Variants in NLRP9 observed in about 807,000 individuals in gnomAD.
The protein encoded by NLRP9 is NLR family pyrin domain containing 9, also known as NACHT, LRR and PYD domains-containing protein 9.
NLRP9 carries 88 observed loss-of-function variants against 83.1 expected under a neutral mutation model. That is an observed-to-expected ratio of 1.06 (90% CI 0.89 to 1.26). The LOEUF (loss-of-function observed/expected upper bound fraction) is 1.26. NLRP9 is among the 50% of genes most tolerant of loss of function. The pLI, the probability that NLRP9 is intolerant of heterozygous loss-of-function variation, is 0.00. For missense variants in NLRP9, 1,308 were observed against 1,179.3 expected (o/e 1.11, Z -1.60); for synonymous variants, 521 against 447.6 (o/e 1.16, Z -2.07).
intron 5 of NLRP9, 103 bp from the exon 6 acceptor site, chr19:55,715,328 T>G: frequency 1.0e-6 from 1 of 981,172 alleles, no homozygotes; most frequent in Non-Finnish European, 1.5e-6. Flanking sequence ...ATGGTAATAT[T>G]ACCATATTTT....
rs1470440927 is a variant in NLRP9 at position 55,734,483 on chromosome 19, G to A, written c.281-933C>T. Among the ~76,000 whole-genome samples the A allele has an allele frequency of 2.0e-5, 3 of 147,798 alleles. No homozygotes were observed. In the Admixed American group the frequency reaches 2.1e-4, roughly 10 times the overall value. On this transcript the variant is annotated intron_variant, in intron 1 of 8. Coordinates refer to ENST00000332836, the MANE Select transcript of NLRP9 (RefSeq NM_176820.4). ...ATTTTCTTTAATTAAACTGATGATAGCAGGTCACCTGTCAGCAAAGTACAC... is the reference window on the plus strand; with the variant it reads ...ATTTTCTTTAATTAAACTGATGATAACAGGTCACCTGTCAGCAAAGTACAC...
In NLRP9 at chr19:55,721,927, C is replaced by T. The variant is rs139434362; in HGVS notation, c.2159+2053G>A. ...TCCCAAGCCACATCGAACTGCAAGTCCAATAAACCTCTTTCTTTTGTAAAT... is the reference window on the plus strand; with the variant it reads ...TCCCAAGCCACATCGAACTGCAAGTTCAATAAACCTCTTTCTTTTGTAAAT... On this transcript the variant is annotated intron_variant, in intron 4 of 8. Transcript: ENST00000332836. Among the ~76,000 whole-genome samples the T allele has an allele frequency of 3.9e-3, 587 of 151,412 alleles. 6 individuals carry two copies. The highest frequency in any genetic ancestry group is 0.014 in the African/African-American group (558 of 41,268).
intron 3 of NLRP9, among the ~76,000 whole-genome samples, chr19:55,728,582 A>T (rs1427231247): frequency 6.6e-6 from 1 of 152,184 alleles, no homozygotes; most frequent in African/African-American, 2.4e-5. Context: ...CAAAGCAACA[A>T]CAACAACAAA....
rs765779528 is a variant in NLRP9, at chr19:55,733,919, A to ATTTT, written c.281-373_281-370dup. Among the ~76,000 whole-genome samples the ATTTT allele has an allele frequency of 1.1e-3, 129 of 117,848 alleles. 17 individuals are homozygous for ATTTT. The highest frequency in any genetic ancestry group is 4.8e-3 in the Middle Eastern group (1 of 208). The allele number at this position is 117,848 out of a possible 152,430, so 77.3% of individuals were successfully genotyped here. A position where few individuals can be genotyped will look rare whatever the true frequency, so the allele number is the denominator to read the frequency against. ...ATAAACTCAACCAGTTGTCAACCAA[A>ATTTT]TTTTTTTTTTTTTTTTTTTTTGAGA... On this transcript the variant is annotated intron_variant, in intron 1 of 8. Coordinates refer to ENST00000332836, the MANE Select transcript of NLRP9 (RefSeq NM_176820.4).
At position 55,724,074 on chromosome 19, in the gene NLRP9, G is replaced by T; in HGVS notation, c.2065C>A (p.Leu689Ile). The change falls in exon 4 of 9, where the codon CTT (leucine) becomes ATT (isoleucine). Residue 689 changes from leucine to isoleucine, a missense_variant. Physicochemically the swap from Leu to Ile is conservative, Grantham distance 5. Coordinates refer to ENST00000332836, the MANE Select transcript of NLRP9 (RefSeq NM_176820.4). ...AGGCTAGTGCCGTACAGGCTCAGAA[G>T]TTTCAGATGAGGGTTGTGAAGAACT... ...KAVLHNPHLK[L>I]LSLYGTSLSQ... 6.2e-7 allele frequency: 1 copy of T among 1,613,538 alleles called. No homozygotes were observed. Among genetic ancestry groups the T allele is most frequent in the Non-Finnish European group, 8.5e-7 (1 of 1,179,540 alleles).
chr19:55,738,199 A>G lies in NLRP9; in HGVS notation c.176T>C (p.Leu59Pro), dbSNP rs1423503193. ...KASKEDVAKL[L>P]DKHYPGKQAW... The stretch of plus-strand genomic sequence containing the variant: ...CTGCTTTCCTGGGTAATGTTTGTCC[A>G]GCAGCTTTGCTACATCTTCTTTGGA... Residue 59 changes from leucine (L) to proline (P), a missense_variant, in exon 1 of 9, where the codon CTG (leucine) becomes CCG (proline). By Grantham distance (98) the Leu-to-Pro change is moderately conservative. Coordinates refer to ENST00000332836, the MANE Select transcript of NLRP9 (RefSeq NM_176820.4). 2 of 1,614,140 alleles carry G rather than the reference A, an allele frequency of 1.2e-6. No individual in the cohort carries two copies. Among genetic ancestry groups the G allele is most frequent in the Non-Finnish European group, 1.7e-6 (2 of 1,180,012 alleles).
At chr19:55,713,889 C>G (rs770462401) in intron 6 of NLRP9, among the ~76,000 whole-genome samples, 1 of 101,412 alleles carries the variant, frequency 9.9e-6, no homozygotes, top group Non-Finnish European at 2.1e-5. Flanking sequence ...TCTCCTCCCT[C>G]GTTCTTCTCT....
chr19:55,711,397 A>G, intron 8 of NLRP9: 2 of 1,265,060 alleles, frequency 1.6e-6, no homozygotes, highest in South Asian at 1.3e-5. Flanking sequence ...TGGCGAATGT[A>G]TTTCTGAATC....
At chr19:55,723,527 G>T (rs567098331) in intron 4 of NLRP9, among the ~76,000 whole-genome samples, 1 of 151,996 alleles carries the variant, frequency 6.6e-6, no homozygotes, top group African/African-American at 2.4e-5. Context: ...ACGAGTGCAA[G>T]ATCAGCCGGG....
Position 55,730,008 on chromosome 19 carries a change from G to C in NLRP9, c.1833-16C>G. On this transcript the variant is annotated splice_polypyrimidine_tract_variant and intron_variant, in intron 2 of 8. Transcript: ENST00000332836. Reference sequence around the variant, plus strand: ...CTCATTGTAACTATGAGAGAACAAAGATTGTGATTCTCCAGTGGCTAAACT... The same window carrying C: ...CTCATTGTAACTATGAGAGAACAAACATTGTGATTCTCCAGTGGCTAAACT... 1 of 1,605,512 alleles carries C rather than the reference G, an allele frequency of 6.2e-7. No homozygotes were observed. The highest frequency in any genetic ancestry group is 8.5e-7 in the Non-Finnish European group (1 of 1,175,734).
Position 55,711,905 on chromosome 19 carries a change from T to C in NLRP9, c.2738A>G (p.Lys913Arg), listed in dbSNP as rs1476443054. The C allele has an allele frequency of 2.5e-6, 4 of 1,613,270 alleles. No individual in the cohort carries two copies. The South Asian group carries it at 4.4e-5, about 18-fold the overall frequency. The change falls in exon 8 of 9, where the codon AAA becomes AGA. Residue 913 changes from lysine (K) to arginine (R), a missense_variant. Physicochemically the swap from Lys to Arg is conservative, Grantham distance 26. Coordinates refer to ENST00000332836, the MANE Select transcript of NLRP9 (RefSeq NM_176820.4). ...GTCGAGGTTCAGGCTCCTCAGTGTTTTGCAGGCGATGAGTGCTGCGGCGAT... is the reference window on the plus strand; with the variant it reads ...GTCGAGGTTCAGGCTCCTCAGTGTTCTGCAGGCGATGAGTGCTGCGGCGAT... ...DDIAAALIACKTLRSLNLDWI... is the reference protein window; with the variant it reads ...DDIAAALIACRTLRSLNLDWI...
chr19:55,733,235 A>AC lies in NLRP9; in HGVS notation c.595_596insG (p.Leu199ArgfsTer6), dbSNP rs1988655558. The AC allele has an allele frequency of 1.9e-6, 3 of 1,613,588 alleles. No individual in the cohort carries two copies. In the Admixed American group the frequency reaches 5.0e-5, roughly 27 times the overall value. ...CGGCCAGTCCCTAGAGAGGAGCTCC[A>AC]GTAAGCTGGTCTCTGCGATACCGTT... On this transcript the variant is annotated frameshift_variant, in exon 2 of 9. Coordinates refer to ENST00000332836, the MANE Select transcript of NLRP9 (RefSeq NM_176820.4). LOFTEE classifies it high-confidence loss of function.
In NLRP9 at chr19:55,738,357, A is replaced by G. The variant is rs1988842495; in HGVS notation, c.18T>C (p.Phe6=). Residue 6 remains phenylalanine (F), a synonymous_variant, in exon 1 of 9, where the codon TTT becomes TTC. Transcript: ENST00000332836. ...GATACCACAACAAGCCAAAATCCGAAAAAAAAGATTCTGCCATATCGCCCC... is the reference window on the plus strand; with the variant it reads ...GATACCACAACAAGCCAAAATCCGAGAAAAAAGATTCTGCCATATCGCCCC... MAESF[F]SDFGLLWYLK... 1.2e-6 allele frequency: 2 copies of G among 1,613,198 alleles called. No individual in the cohort carries two copies. The highest frequency in any genetic ancestry group is 1.1e-5 in the South Asian group (1 of 91,040).
chr19:55,709,753 A>T (rs189686580), intron 8 of NLRP9: 2 of 152,020 alleles, frequency 1.3e-5, no homozygotes, highest in Admixed American at 1.3e-4. Context: ...CCTGGCTTCT[A>T]CTCCCTCAAC....
Position 55,708,889 on chromosome 19 carries a change from C to G in NLRP9, c.*23G>C, listed in dbSNP as rs377227740. 6.0e-5 allele frequency: 90 copies of G among 1,499,746 alleles called. 2 individuals carry two copies. In the South Asian group the frequency reaches 1.1e-3, roughly 18 times the overall value. 92.9% of individuals were successfully genotyped at this position (1,499,746 alleles called of 1,614,324 possible). On this transcript the variant is annotated 3_prime_UTR_variant, in exon 9 of 9. Coordinates refer to ENST00000332836, the MANE Select transcript of NLRP9 (RefSeq NM_176820.4). ...GTGGCCAAGGAAAGCCTTTGTGAGA[C>G]GACTACTTCAGGGTGTTCCCCATCA...
chr19:55,736,024 A>G (rs1988776370), intron 1 of NLRP9, among the ~76,000 whole-genome samples: 1 of 151,970 alleles, frequency 6.6e-6, no homozygotes, highest in African/African-American at 2.4e-5. Context: ...ATTTATCATT[A>G]TATTATTCAC....
chr19:55,728,050 G>A (rs1425245194), intron 3 of NLRP9, among the ~76,000 whole-genome samples: 2 of 152,148 alleles, frequency 1.3e-5, no homozygotes, highest in Non-Finnish European at 2.9e-5. Flanking sequence ...GCAACAAAAT[G>A]TGAGAACACA....
chr19:55,721,129 T>G (rs1214859815), intron 4 of NLRP9, among the ~76,000 whole-genome samples: 1 of 152,212 alleles, frequency 6.6e-6, no homozygotes, highest in African/African-American at 2.4e-5. Context: ...TAAAAGCATA[T>G]TTTTAAAAAC....
chr19:55,714,939 T>G (rs1261333303), intron 6 of NLRP9, 116 bp downstream of exon 6: 2 of 994,462 alleles, frequency 2.0e-6, no homozygotes, highest in African/African-American at 3.3e-5. Context: ...AACATACGAA[T>G]TTTGGGAGGA....
Sources: allele counts gnomAD v4.1 joint callset (sites outside exome capture counted in the v4.1 genomes callset), GRCh38; gene constraint gnomAD v4.1.1; transcripts MANE v1.5; gene names NCBI Gene and HGNC (gene_info 2026-07-23, HGNC 2026-07-21).